Variants in SGK2 observed in about 807,000 individuals in gnomAD.
SGK2 encodes serum/glucocorticoid regulated kinase 2, also known as serine/threonine-protein kinase Sgk2.
In SGK2, 36 loss-of-function variants were observed where a neutral mutation model predicts 47.5. That is an observed-to-expected ratio of 0.76 (90% confidence interval 0.58 to 1.00). SGK2 has a LOEUF of 1.00. Among genes scored for constraint, SGK2 ranks in the 50% least tolerant of loss-of-function variants. The probability of loss-of-function intolerance (pLI) is 0.00; values close to 1 mark genes in which losing one functional copy is unlikely to be tolerated. For missense variants in SGK2, 404 were observed against 467.4 expected, an observed-to-expected ratio of 0.86 and a Z score of 1.25; for synonymous variants, 157 against 181.9, an observed-to-expected ratio of 0.86 and a Z score of 1.10.
At chr20:43,576,738 G>A (rs545365173) in intron 11 of SGK2, among the ~76,000 whole-genome samples, 4 of 152,310 alleles carry the variant, frequency 2.6e-5, no homozygotes, top group East Asian at 3.9e-4. Context: ...TCAGAAGTTC[G>A]AGACCAGCCT....
intron 1 of SGK2, among the ~76,000 whole-genome samples, chr20:43,564,059 A>C (rs991592431): frequency 6.6e-6 from 1 of 152,342 alleles, no homozygotes; most frequent in South Asian, 2.1e-4. Flanking sequence ...CTGTGGGCCC[A>C]TCAACTCCTT....
At chr20:43,564,019 GC>G (rs1173805757) in intron 1 of SGK2, among the ~76,000 whole-genome samples, 3 of 152,190 alleles carry the variant, frequency 2.0e-5, no homozygotes, top group African/African-American at 7.2e-5. Flanking sequence ...GTATACTGTA[GC>G]CACACAGAAA....
intron 2 of SGK2, 56 bp downstream of exon 2, chr20:43,566,587 A>G: frequency 7.8e-7 from 1 of 1,286,524 alleles, no homozygotes; most frequent in Non-Finnish European, 1.1e-6. Flanking sequence ...TCCCGAGGCT[A>G]AGGAAATCTG....
rs766423421 is a variant in SGK2 at position 43,572,067 on chromosome 20, C to T, written c.527C>T (p.Thr176Met). 2.8e-5 allele frequency: 44 copies of T among 1,548,992 alleles called. No individual in the cohort carries two copies. Among genetic ancestry groups the T allele is most frequent in the Admixed American group, 7.8e-5 (4 of 50,974 alleles). ...CATTCTCAGGGACACGTGGTGCTGA[C>T]GGATTTTGGCCTCTGCAAGGAAGGT... is the stretch of plus-strand genomic sequence containing the variant. ...LLDCQGHVVL[T>M]DFGLCKEGVE... is the part of the protein sequence containing the mutation. The change falls in exon 9 of 13, where the codon ACG (threonine) becomes ATG (methionine). Residue 176 changes from threonine to methionine, a missense_variant. Physicochemically the swap from Thr to Met is moderately conservative, Grantham distance 81 (BLOSUM62 -1). Transcript: ENST00000373100. The surrounding 1 kb of genome is among the most constrained non-coding windows in gnomAD (Gnocchi z 4.2).
rs1979962626 is a variant in SGK2 at position 43,569,468 on chromosome 20, GAC to G, written c.315_316del (p.Pro106Ter). On this transcript the variant is annotated frameshift_variant, in exon 6 of 13. Coordinates refer to ENST00000373100, the MANE Select transcript of SGK2 (RefSeq NM_170693.3). LOFTEE classifies it high-confidence loss of function. Reference sequence around the variant, plus strand: ...TCGTGGGCCTGCGCTACTCCTTCCAGACACCTGAGAAGCTCTACTTCGTGCTC... The same window carrying G: ...TCGTGGGCCTGCGCTACTCCTTCCAGACCTGAGAAGCTCTACTTCGTGCTC... ...FLVGLRYSFQ[T>X]PEKLYFVLDY... 6.2e-7 allele frequency: 1 copy of G among 1,613,774 alleles called. No homozygotes were observed. Among genetic ancestry groups the G allele is most frequent in the Non-Finnish European group, 8.5e-7 (1 of 1,180,010 alleles).
At chr20:43,564,122 C>T (rs1404917043) in intron 1 of SGK2, among the ~76,000 whole-genome samples, 1 of 152,326 alleles carries the variant, frequency 6.6e-6, no homozygotes, top group Middle Eastern at 3.4e-3. Context: ...AGGAAGGGAC[C>T]CTGTGAGAAC....
chr20:43,566,407 C>T, intron 1 of SGK2, 66 bp from the exon 2 acceptor site: 1 of 1,614,128 alleles, frequency 6.2e-7, no homozygotes, highest in Non-Finnish European at 8.5e-7. Flanking sequence ...TGCCTGAAGC[C>T]CTGGATGGGC....
rs144484426 is a variant in SGK2, at chr20:43,576,285, A to G, written c.755A>G (p.Gln252Arg). The change falls in exon 11 of 13, where the codon CAG (glutamine) becomes CGG (arginine). Residue 252 changes from glutamine to arginine, a missense_variant. Coordinates refer to ENST00000373100, the MANE Select transcript of SGK2 (RefSeq NM_170693.3). Reference sequence around the variant, plus strand: ...GAGAACATTCTGCACCAGCCGCTACAGATCCCCGGAGGCCGGACAGTGGCC... The same window carrying G: ...GAGAACATTCTGCACCAGCCGCTACGGATCCCCGGAGGCCGGACAGTGGCC... ...MYENILHQPLQIPGGRTVAAC... is the reference protein window; with the variant it reads ...MYENILHQPLRIPGGRTVAAC... 6.2e-7 allele frequency: 1 copy of G among 1,614,242 alleles called. No homozygotes were observed. The highest frequency in any genetic ancestry group is 1.3e-5 in the African/African-American group (1 of 75,074).
Position 43,585,136 on chromosome 20 carries a change from C to T in SGK2, c.*120C>T. The T allele has an allele frequency of 1.0e-6, 1 of 983,148 alleles. No homozygotes were observed. The highest frequency in any genetic ancestry group is 2.5e-5 in the East Asian group (1 of 40,634). The allele number at this position is 983,148 out of a possible 1,614,324, so 60.9% of individuals were successfully genotyped here. A position where few individuals can be genotyped will look rare whatever the true frequency, so the allele number is the denominator to read the frequency against. ...CAACGAGAAGCAGGTTTATTTTTTC[C>T]AGCACATAAAAGAAAAATAATGTTT... On this transcript the variant is annotated 3_prime_UTR_variant, in exon 13 of 13. Transcript: ENST00000373100.
chr20:43,580,745 AAAAG>A (rs1980741804), intron 12 of SGK2, among the ~76,000 whole-genome samples: 1 of 151,930 alleles, frequency 6.6e-6, no homozygotes, highest in Admixed American at 6.6e-5. Flanking sequence ...AAAAAAAAAA[AAAAG>A]GGAATGTATG....
chr20:43,560,912 G>A (rs1979342145), intron 1 of SGK2, among the ~76,000 whole-genome samples: 1 of 152,156 alleles, frequency 6.6e-6, no homozygotes, highest in Admixed American at 6.6e-5. Context: ...GTTCTAGTTG[G>A]AGATAGAAAA....
chr20:43,575,313 A>G (rs1980395805), intron 10 of SGK2, among the ~76,000 whole-genome samples: 1 of 151,932 alleles, frequency 6.6e-6, no homozygotes, highest in Non-Finnish European at 1.5e-5. Context: ...AAATACAAAA[A>G]TTAGCTGGGC....
At chr20:43,580,423 T>G (rs1980719701) in intron 12 of SGK2, among the ~76,000 whole-genome samples, 1 of 152,122 alleles carries the variant, frequency 6.6e-6, no homozygotes, top group African/African-American at 2.4e-5. Flanking sequence ...ACATATATCC[T>G]TATAAAAAGT....
At chr20:43,577,379 G>A (rs1980525050) in intron 11 of SGK2, among the ~76,000 whole-genome samples, 1 of 142,518 alleles carries the variant, frequency 7.0e-6, no homozygotes, top group African/African-American at 2.6e-5. Context: ...CCGAGACAGA[G>A]TCTTGCTCTG....
rs754946982 is a variant in SGK2 at position 43,567,658 on chromosome 20, C to T, written c.87-7C>T. 4 of 1,613,814 alleles carry T rather than the reference C, an allele frequency of 2.5e-6. No individual in the cohort carries two copies. In the South Asian group the frequency reaches 3.3e-5, roughly 13 times the overall value. ...ATGCTGATCCGTGTTTTTCCCTCTT[C>T]CCCCAGTGCCCAGCCCACGGACTTC... is the stretch of plus-strand genomic sequence containing the variant. On this transcript the variant is annotated splice_polypyrimidine_tract_variant and splice_region_variant and intron_variant, in intron 3 of 12. Transcript: ENST00000373100.
intron 12 of SGK2, chr20:43,583,618 C>T (rs1980931621): frequency 1.0e-6 from 1 of 985,360 alleles, no homozygotes; most frequent in East Asian, 1.1e-4. Flanking sequence ...CACAGAGAGA[C>T]TGTATTGGTT....
At chr20:43,579,042 G>C (rs1980636444) in intron 11 of SGK2, among the ~76,000 whole-genome samples, 2 of 146,968 alleles carry the variant, frequency 1.4e-5, no homozygotes, top group Non-Finnish European at 3.0e-5. Context: ...TTTTGAGACA[G>C]AGTCTTGCTC....
chr20:43,560,916 T>C (rs1463624337), intron 1 of SGK2, among the ~76,000 whole-genome samples: 4 of 152,078 alleles, frequency 2.6e-5, no homozygotes, highest in Admixed American at 1.3e-4. Flanking sequence ...TAGTTGGAGA[T>C]AGAAAATAAA....
At chr20:43,582,677 C>T (rs1240108682) in intron 12 of SGK2, among the ~76,000 whole-genome samples, 1 of 146,990 alleles carries the variant, frequency 6.8e-6, no homozygotes, top group Non-Finnish European at 1.5e-5. Flanking sequence ...CATGAGCCAT[C>T]GCGCCTGGCT....
Sources: allele counts gnomAD v4.1 joint callset (sites outside exome capture counted in the v4.1 genomes callset), GRCh38; gene constraint gnomAD v4.1.1; non-coding constraint Gnocchi (gnomAD v3.1); transcripts MANE v1.5; gene names NCBI Gene and HGNC (gene_info 2026-07-23, HGNC 2026-07-21).